Variants in KIAA1217 observed in about 807,000 individuals in gnomAD.
The protein encoded by KIAA1217 is sickle tail protein homolog.
Under a neutral mutation model 163.9 loss-of-function variants are expected in KIAA1217, and 88 were observed. The observed-to-expected ratio is 0.54, with a 90% CI of 0.45 to 0.64. The LOEUF (loss-of-function observed/expected upper bound fraction) is 0.64, where lower values mean the gene tolerates loss of function less well. KIAA1217 is among the 30% of genes least tolerant of loss of function. The probability of loss-of-function intolerance (pLI) is 0.00; values close to 1 mark genes in which losing one functional copy is unlikely to be tolerated. For missense variants in KIAA1217, 2,372 were observed against 2,475.0 expected, an observed-to-expected ratio of 0.96 and a Z score of 0.88; for synonymous variants, 903 against 923.1, an observed-to-expected ratio of 0.98 and a Z score of 0.39.
At chr10:23,926,909 T>C (rs1843045614) in intron 1 of KIAA1217, among the ~76,000 whole-genome samples, 1 of 151,932 alleles carries the variant, frequency 6.6e-6, no homozygotes, top group African/African-American at 2.4e-5. Flanking sequence ...ATCTGTTTAT[T>C]TATTTATTCT....
At chr10:23,886,656 T>C (rs1841188520) in intron 1 of KIAA1217, among the ~76,000 whole-genome samples, 1 of 151,962 alleles carries the variant, frequency 6.6e-6, no homozygotes, top group East Asian at 1.9e-4. Flanking sequence ...AAACTTCAGG[T>C]TGAGGTTGAT....
chr10:24,166,528 A>G (rs1256169205), intron 2 of KIAA1217, among the ~76,000 whole-genome samples: 1 of 152,092 alleles, frequency 6.6e-6, no homozygotes, highest in East Asian at 1.9e-4. Flanking sequence ...ACTTGAGGTA[A>G]GGGGTTCAAG....
chr10:24,004,495 ATTCT>A (rs1846900813), intron 1 of KIAA1217, among the ~76,000 whole-genome samples: 1 of 152,222 alleles, frequency 6.6e-6, no homozygotes, highest in Non-Finnish European at 1.5e-5. Context: ...TTGGAACTAT[ATTCT>A]AATATACTTT....
chr10:23,778,830 C>A (rs1244425247), intron 1 of KIAA1217, among the ~76,000 whole-genome samples: 1 of 152,138 alleles, frequency 6.6e-6, no homozygotes, highest in African/African-American at 2.4e-5. Flanking sequence ...TGCTGCAGGT[C>A]ATGAGTCAAT....
At chr10:24,535,712 G>C (rs1216859559) in intron 16 of KIAA1217, among the ~76,000 whole-genome samples, 2 of 152,198 alleles carry the variant, frequency 1.3e-5, no homozygotes, top group Non-Finnish European at 2.9e-5. Flanking sequence ...GGGAAGCAGA[G>C]GTTGCAGTGA....
intron 2 of KIAA1217, among the ~76,000 whole-genome samples, chr10:24,043,229 T>C (rs1341450042): frequency 6.6e-6 from 1 of 152,234 alleles, no homozygotes; most frequent in Non-Finnish European, 1.5e-5. Flanking sequence ...GCAGCATTTA[T>C]AATACTTACT....
At chr10:23,834,179 T>C (rs1838341441) in intron 1 of KIAA1217, among the ~76,000 whole-genome samples, 1 of 152,182 alleles carries the variant, frequency 6.6e-6, no homozygotes, top group Non-Finnish European at 1.5e-5. Context: ...TGTTTTATCT[T>C]TTCTATCTGC....
At chr10:23,894,179 A>C (rs1478030695) in intron 1 of KIAA1217, among the ~76,000 whole-genome samples, 2 of 149,408 alleles carry the variant, frequency 1.3e-5, no homozygotes, top group African/African-American at 2.4e-5. Flanking sequence ...GTATTCAATT[A>C]GGAAAAGAGG....
intron 5 of KIAA1217, among the ~76,000 whole-genome samples, chr10:24,442,882 T>G (rs765900000): frequency 5.9e-5 from 9 of 151,968 alleles, no homozygotes; most frequent in Admixed American, 5.2e-4. Flanking sequence ...AGCTAACTTA[T>G]TTGAGCATTT....
intron 2 of KIAA1217, among the ~76,000 whole-genome samples, chr10:24,094,893 C>T (rs1054008500): frequency 3.3e-5 from 5 of 152,164 alleles, no homozygotes; most frequent in African/African-American, 7.2e-5. Flanking sequence ...CCACCCAGTT[C>T]GAGCTTCCCG....
In KIAA1217 at chr10:24,524,643, C is replaced by T. The variant is rs1325481304; in HGVS notation, c.2777C>T (p.Thr926Ile). 1.2e-6 allele frequency: 2 copies of T among 1,614,212 alleles called. No individual in the cohort carries two copies. Among genetic ancestry groups the T allele is most frequent in the African/African-American group, 1.3e-5 (1 of 75,074 alleles). The change falls in exon 13 of 21, where the codon ACT becomes ATT. Residue 926 changes from threonine (T) to isoleucine (I), a missense_variant. By Grantham distance (89) the Thr-to-Ile change is moderately conservative. Around this residue, in one of 3 missense-constraint regions of KIAA1217, gnomAD observed 1,431 missense variants for 1,470.3 expected, o/e 0.97. Transcript: ENST00000376454. The stretch of plus-strand genomic sequence containing the variant: ...GCCGTCCCCCAGGAAGCAACCTCCA[C>T]TCTGCAGATGTCGCAGGCTCCGCAG... Reference protein sequence around the residue: ...SPAVPQEATSTLQMSQAPQSP... With the variant: ...SPAVPQEATSILQMSQAPQSP...
chr10:23,696,939 G>A (rs1331477242), intron 1 of KIAA1217, among the ~76,000 whole-genome samples: 3 of 152,170 alleles, frequency 2.0e-5, no homozygotes, highest in Admixed American at 6.5e-5. Context: ...CATGCTAGGG[G>A]AACATGTCAA....
chr10:23,748,975 T>C (rs538451342), intron 1 of KIAA1217, among the ~76,000 whole-genome samples: 1 of 152,306 alleles, frequency 6.6e-6, no homozygotes, highest in East Asian at 1.9e-4. Context: ...ATCACTTCTC[T>C]GCCACCATCC....
At chr10:24,102,340 T>C (rs2062449176) in intron 2 of KIAA1217, among the ~76,000 whole-genome samples, 1 of 152,192 alleles carries the variant, frequency 6.6e-6, no homozygotes, top group Non-Finnish European at 1.5e-5. Flanking sequence ...ACAAAATATG[T>C]ATAAGATCTA....
intron 2 of KIAA1217, among the ~76,000 whole-genome samples, chr10:24,126,515 C>G (rs2063478756): frequency 6.6e-6 from 1 of 152,106 alleles, no homozygotes; most frequent in African/African-American, 2.4e-5. Context: ...CTTCTCATGA[C>G]AGATTGTTTC....
intron 1 of KIAA1217, among the ~76,000 whole-genome samples, chr10:23,789,192 A>T (rs752264879): frequency 1.3e-5 from 2 of 152,224 alleles, no homozygotes; most frequent in Non-Finnish European, 2.9e-5. Context: ...TGCAATAGAC[A>T]TAGCTAAGGC....
intron 5 of KIAA1217, among the ~76,000 whole-genome samples, chr10:24,454,242 G>A (rs542585766): frequency 6.6e-6 from 1 of 152,302 alleles, no homozygotes; most frequent in African/African-American, 2.4e-5. Context: ...CAGATAAAAG[G>A]TGTGACTACC....
intron 1 of KIAA1217, among the ~76,000 whole-genome samples, chr10:23,980,578 T>C (rs1845721961): frequency 6.6e-6 from 1 of 151,950 alleles, no homozygotes; most frequent in African/African-American, 2.4e-5. Flanking sequence ...GCCGGGTGGA[T>C]GAAAAAAGGA....
Position 24,544,464 on chromosome 10 carries a change from C to G in KIAA1217, c.5194C>G (p.Pro1732Ala), listed in dbSNP as rs1474718259. Residue 1732 changes from proline to alanine, a missense_variant, in exon 19 of 21, where the codon CCT (proline) becomes GCT (alanine). Pro to Ala is a conservative substitution (Grantham distance 27). Around this residue, in one of 3 missense-constraint regions of KIAA1217, gnomAD observed 690 missense variants for 677.5 expected, o/e 1.02. Transcript: ENST00000376454. The stretch of plus-strand genomic sequence containing the variant: ...TGCCCTAGAGCCCCCTACGTCGATA[C>G]CTTCAGCTTCACGTAAGGTATCTTG... ...PTALEPPTSI[P>A]SASRKGSSGA... 1 of 1,611,222 alleles carries G rather than the reference C, an allele frequency of 6.2e-7. No homozygotes were observed. Among genetic ancestry groups the G allele is most frequent in the Non-Finnish European group, 8.5e-7 (1 of 1,178,278 alleles).
Sources: gnomAD v4.1 joint callset for allele counts (sites outside exome capture counted in the v4.1 genomes callset) on GRCh38, gnomAD v4.1.1 for gene constraint, gnomAD v4.1.1 regional missense constraint, MANE v1.5 for transcripts, NCBI Gene and HGNC (gene_info 2026-07-23, HGNC 2026-07-21) for gene names.